SLFN12L: variants seen among roughly 807,000 people sequenced by gnomAD.
SLFN12L encodes schlafen family member 12-like.
In SLFN12L, 34 loss-of-function variants were observed where a neutral mutation model predicts 34.8. That is an observed-to-expected ratio of 0.98 (90% CI 0.74 to 1.30). SLFN12L has a LOEUF of 1.30. Among genes scored for constraint, SLFN12L ranks in the 50% most tolerant of loss-of-function variants. SLFN12L has a pLI of 0.00. For missense variants in SLFN12L, 703 were observed against 696.2 expected, an observed-to-expected ratio of 1.01 and a Z score of -0.11; for synonymous variants, 259 against 247.5, an observed-to-expected ratio of 1.05 and a Z score of -0.44.
At chr17:35,490,353 G>A (rs1180091281) in intron 2 of SLFN12L, 25 of 1,340,790 alleles carry the variant, frequency 1.9e-5, no homozygotes, top group South Asian at 8.2e-5. Flanking sequence ...GAAAAAACAC[G>A]GTACGATAGT....
rs1417481634 is a variant in SLFN12L at position 35,522,664 on chromosome 17, T to A, written c.-300A>T. Reference sequence around the variant, plus strand: ...GCTCTCAGGACTCAGGCAGAGGACCTTGGCCCTGACACACACCTCCCCAGT... The same window carrying A: ...GCTCTCAGGACTCAGGCAGAGGACCATGGCCCTGACACACACCTCCCCAGT... On this transcript the variant is annotated 5_prime_UTR_variant, in exon 2 of 5. It adds an upstream start codon to the 5' untranslated region. Coordinates refer to ENST00000628453, the MANE Select transcript of SLFN12L (RefSeq NM_001363830.2). 1.9e-6 allele frequency: 3 copies of A among 1,613,990 alleles called. No homozygotes were observed. The highest frequency in any genetic ancestry group is 1.3e-5 in the African/African-American group (1 of 74,890).
chr17:35,525,405 C>T (rs899921105), intron 1 of SLFN12L, among the ~76,000 whole-genome samples: 9 of 152,190 alleles, frequency 5.9e-5, no homozygotes, highest in Admixed American at 1.3e-4. Flanking sequence ...GACACATAAT[C>T]GTCAGATTCA....
intron 2 of SLFN12L, chr17:35,490,172 C>T: frequency 6.2e-7 from 1 of 1,606,398 alleles, no homozygotes; most frequent in Middle Eastern, 1.7e-4. Flanking sequence ...AGCCGGGCTG[C>T]TGCAGCCACC....
intron 2 of SLFN12L, chr17:35,491,097 C>G: frequency 3.9e-6 from 3 of 776,994 alleles, no homozygotes; most frequent in Non-Finnish European, 7.1e-6. Flanking sequence ...TTACTGCCTC[C>G]CCTGCTGCAA....
chr17:35,464,469 G>A lies in SLFN12L; in HGVS notation c.*10454C>T, dbSNP rs977169563. ...CAGTGTCTGCTGTTTCCTTCTTTGT[G>A]TTCATAAGTTCTTTCGTTTAGCTCC... is the stretch of plus-strand genomic sequence containing the variant. On this transcript the variant is annotated 3_prime_UTR_variant, in exon 5 of 5. Coordinates refer to ENST00000628453, the MANE Select transcript of SLFN12L (RefSeq NM_001363830.2). 1 of 117,526 alleles carries A rather than the reference G, an allele frequency of 8.5e-6. No individual in the cohort carries two copies. The highest frequency in any genetic ancestry group is 2.8e-4 in the South Asian group (1 of 3,580). 7.3% of individuals were successfully genotyped at this position (117,526 alleles called of 1,614,324 possible).
Position 35,522,978 on chromosome 17 carries a change from G to A in SLFN12L, c.-605-9C>T, listed in dbSNP as rs1916043692. 2 of 479,078 alleles carry A rather than the reference G, an allele frequency of 4.2e-6. No homozygotes were observed. Among genetic ancestry groups the A allele is most frequent in the Non-Finnish European group, 7.4e-6 (2 of 269,850 alleles). The allele number at this position is 479,078 out of a possible 1,614,324, so 29.7% of individuals were successfully genotyped here. Reference sequence around the variant, plus strand: ...CAAATATCCTGGTAGCACTAGATGTGAAAAGAATGAGAAATTAGGGGAAGG... The same window carrying A: ...CAAATATCCTGGTAGCACTAGATGTAAAAAGAATGAGAAATTAGGGGAAGG... On this transcript the variant is annotated splice_polypyrimidine_tract_variant and intron_variant, in intron 1 of 4. Transcript: ENST00000628453.
At chr17:35,536,431 T>A (rs1303492168) in intron 1 of SLFN12L, among the ~76,000 whole-genome samples, 4 of 152,188 alleles carry the variant, frequency 2.6e-5, no homozygotes. Flanking sequence ...TTTGCAAACA[T>A]TATATCTAAA....
chr17:35,490,596 G>A, intron 2 of SLFN12L: 1 of 830,662 alleles, frequency 1.2e-6, no homozygotes, highest in African/African-American at 1.7e-5. Context: ...GTCAAGGCCT[G>A]TCAAAAGAAA....
Position 35,465,780 on chromosome 17 carries a change from T to C in SLFN12L, c.*9143A>G, listed in dbSNP as rs35863546. 0.14 allele frequency among the ~76,000 whole-genome samples: 21,153 copies of C among 148,306 alleles called. 1,636 individuals carry two copies. Among genetic ancestry groups the C allele is most frequent in the South Asian group, 0.25 (1,137 of 4,476 alleles). On this transcript the variant is annotated 3_prime_UTR_variant, in exon 5 of 5. Transcript: ENST00000628453. ...CCAGTATCTAGTATGATTAACATTA[T>C]TAACTCTATCCAATCAATAACTGCT...
chr17:35,509,549 G>C (rs1028011277), intron 2 of SLFN12L, among the ~76,000 whole-genome samples: 2 of 152,188 alleles, frequency 1.3e-5, no homozygotes, highest in Admixed American at 6.5e-5. Flanking sequence ...ATGAGCATTT[G>C]GGGGGAAAGC....
At chr17:35,529,332 A>G (rs1169299917) in intron 1 of SLFN12L, among the ~76,000 whole-genome samples, 1 of 152,250 alleles carries the variant, frequency 6.6e-6, no homozygotes, top group East Asian at 1.9e-4. Context: ...TGACCCAGCA[A>G]TCCCATTACT....
Position 35,476,228 on chromosome 17 carries a change from G to A in SLFN12L, c.1277-743C>T, listed in dbSNP as rs1207480148. ...AAATCCCAGAGAAGATGAAACTGAA[G>A]AGAAGAAGCCAAAATCTACCCACAA... On this transcript the variant is annotated intron_variant, in intron 4 of 4. Transcript: ENST00000628453. 2.6e-5 allele frequency among the ~76,000 whole-genome samples: 4 copies of A among 152,234 alleles called. No individual in the cohort carries two copies. The East Asian group carries it at 5.8e-4, about 22-fold the overall frequency.
At chr17:35,489,957 AT>A in intron 2 of SLFN12L, 1 of 1,432,860 alleles carries the variant, frequency 7.0e-7, no homozygotes, top group Non-Finnish European at 9.7e-7. Context: ...ACCAGTCATG[AT>A]TTTTAAAAAG....
At position 35,491,156 on chromosome 17, in the gene SLFN12L, T is replaced by G. The variant is rs1160966204; in HGVS notation, c.87-10961A>C. 3 of 814,102 alleles carry G rather than the reference T, an allele frequency of 3.7e-6. No individual in the cohort carries two copies. The African/African-American group carries it at 5.1e-5, about 14-fold the overall frequency. The allele number at this position is 814,102 out of a possible 1,614,324, so 50.4% of individuals were successfully genotyped here. A position where few individuals can be genotyped will look rare whatever the true frequency, so the allele number is the denominator to read the frequency against. ...CCTCCCCTGCTGCTCCTCCTGAGCC[T>G]CGGGGAGGAGGAAGGCATCAGCGAT... On this transcript the variant is annotated intron_variant, in intron 2 of 4. Coordinates refer to ENST00000628453, the MANE Select transcript of SLFN12L (RefSeq NM_001363830.2).
At position 35,522,473 on chromosome 17, in the gene SLFN12L, C is replaced by A; in HGVS notation, c.-109G>T. On this transcript the variant is annotated 5_prime_UTR_variant, in exon 2 of 5. Transcript: ENST00000628453. ...ATATCTCATACTGCTGGGCTGTGAG[C>A]AGATTTAAAACCTCATAGCTGCACA... The A allele has an allele frequency of 6.2e-7, 1 of 1,613,548 alleles. No homozygotes were observed. The highest frequency in any genetic ancestry group is 8.5e-7 in the Non-Finnish European group (1 of 1,179,702).
chr17:35,488,467 C>A (rs1296443936), intron 2 of SLFN12L, among the ~76,000 whole-genome samples: 1 of 152,216 alleles, frequency 6.6e-6, no homozygotes, highest in African/African-American at 2.4e-5. Context: ...TTCGAACAGT[C>A]CAGTGGCTCC....
intron 2 of SLFN12L, among the ~76,000 whole-genome samples, chr17:35,518,017 T>C (rs1915885278): frequency 6.6e-6 from 1 of 152,090 alleles, no homozygotes; most frequent in African/African-American, 2.4e-5. Flanking sequence ...ACAAAAGCAA[T>C]TGCAACAAAA....
In SLFN12L at chr17:35,473,638, G is replaced by A. The variant is rs1351699346; in HGVS notation, c.*1285C>T. The A allele has an allele frequency of 6.6e-6, 1 of 152,096 alleles. No individual in the cohort carries two copies. The highest frequency in any genetic ancestry group is 1.5e-5 in the Non-Finnish European group (1 of 68,002). 9.4% of individuals were successfully genotyped at this position (152,096 alleles called of 1,614,324 possible). A position where few individuals can be genotyped will look rare whatever the true frequency, so the allele number is the denominator to read the frequency against. On this transcript the variant is annotated 3_prime_UTR_variant, in exon 5 of 5. Transcript: ENST00000628453. Reference sequence around the variant, plus strand: ...CCTTTTTTTATTGTGTCCCTACCAGGTTTTGGTATCAGGATGATACTGGCT... The same window carrying A: ...CCTTTTTTTATTGTGTCCCTACCAGATTTTGGTATCAGGATGATACTGGCT...
chr17:35,507,224 G>C (rs1383645218), intron 2 of SLFN12L, among the ~76,000 whole-genome samples: 2 of 152,198 alleles, frequency 1.3e-5, no homozygotes, highest in African/African-American at 4.8e-5. Flanking sequence ...TGCAAAAAGA[G>C]AAGCATAGCT....
Sources: allele counts gnomAD v4.1 joint callset (sites outside exome capture counted in the v4.1 genomes callset), GRCh38; gene constraint gnomAD v4.1.1; transcripts MANE v1.5; gene names NCBI Gene and HGNC (gene_info 2026-07-23, HGNC 2026-07-21).